The following SMCHD1 variants were observed in gnomAD, a reference collection of about 807,000 sequenced individuals.
SMCHD1 encodes structural maintenance of chromosomes flexible hinge domain-containing protein 1.
SMCHD1 carries 78 observed loss-of-function variants against 254.7 expected under a neutral mutation model. The ratio of observed to expected loss-of-function variants is 0.31; its 90% confidence interval spans 0.26 to 0.37. SMCHD1 has a LOEUF of 0.37. SMCHD1 is among the 10% of genes least tolerant of loss of function. The pLI, the probability that SMCHD1 is intolerant of heterozygous loss-of-function variation, is 1.00. For missense variants in SMCHD1, 1,840 were observed against 2,408.1 expected, an observed-to-expected ratio of 0.76 and a Z score of 4.94; for synonymous variants, 766 against 794.9, an observed-to-expected ratio of 0.96 and a Z score of 0.61.
In SMCHD1 at chr18:2,707,806, G is replaced by T; in HGVS notation, c.2147-1G>T. The T allele has an allele frequency of 6.3e-7, 1 of 1,597,770 alleles. No individual in the cohort carries two copies. Among genetic ancestry groups the T allele is most frequent in the Admixed American group, 1.8e-5 (1 of 56,506 alleles). On this transcript the variant is annotated splice_acceptor_variant, in intron 16 of 47. Transcript: ENST00000320876. LOFTEE classifies it high-confidence loss of function. ...AGATACTTTTAATTTTTGACTCATAGGTGCGTTAAGAATTGAAATACTGAA... is the reference window on the plus strand; with the variant it reads ...AGATACTTTTAATTTTTGACTCATATGTGCGTTAAGAATTGAAATACTGAA...
chr18:2,656,279 G>A lies in SMCHD1; in HGVS notation c.186+18G>A, dbSNP rs760697604. On this transcript the variant is annotated intron_variant, in intron 1 of 47. Coordinates refer to ENST00000320876, the MANE Select transcript of SMCHD1 (RefSeq NM_015295.3). Reference sequence around the variant, plus strand: ...TGTGTCAGGTACGCGAAGGGGCGAGGAAGGGATGCGCGTGTAGACTTGGGG... The same window carrying A: ...TGTGTCAGGTACGCGAAGGGGCGAGAAAGGGATGCGCGTGTAGACTTGGGG... 1 of 1,471,924 alleles carries A rather than the reference G, an allele frequency of 6.8e-7. No homozygotes were observed. Among genetic ancestry groups the A allele is most frequent in the South Asian group, 1.4e-5 (1 of 71,280 alleles). 91.2% of individuals were successfully genotyped at this position (1,471,924 alleles called of 1,614,324 possible). A position where few individuals can be genotyped will look rare whatever the true frequency, so the allele number is the denominator to read the frequency against.
intron 13 of SMCHD1, 43 bp from the exon 14 acceptor site, chr18:2,705,651 C>A: frequency 3.0e-6 from 3 of 998,066 alleles, no homozygotes; most frequent in Non-Finnish European, 4.4e-6. Context: ...CTTCGTAAAT[C>A]TTAATACTGA....
intron 30 of SMCHD1, among the ~76,000 whole-genome samples, chr18:2,748,386 A>G (rs75600230): frequency 0.24 from 12,670 of 53,318 alleles, 1,844 homozygotes; most frequent in South Asian, 0.3. Context: ...GTGTGTGTAT[A>G]TAAATTTTTT....
intron 7 of SMCHD1, among the ~76,000 whole-genome samples, chr18:2,691,348 A>G (rs898468430): frequency 4.6e-5 from 7 of 152,182 alleles, no homozygotes; most frequent in Non-Finnish European, 1.0e-4. Context: ...CTTCCCAACA[A>G]ACATTTCTTG....
At chr18:2,760,766 A>C in intron 35 of SMCHD1, 27 bp downstream of exon 35, 1 of 1,330,824 alleles carries the variant, frequency 7.5e-7, no homozygotes, top group Non-Finnish European at 1.1e-6. Context: ...TATATACCAC[A>C]GTTAGCTTTA....
At chr18:2,701,754 G>T (rs73939111) in intron 12 of SMCHD1, among the ~76,000 whole-genome samples, 4,573 of 152,072 alleles carry the variant, frequency 0.03, 235 homozygotes, top group African/African-American at 0.1. Flanking sequence ...TAGTGTACTT[G>T]TATTCTGTGA....
chr18:2,680,879 TGG>T (rs886728810), intron 5 of SMCHD1, among the ~76,000 whole-genome samples: 1 of 152,206 alleles, frequency 6.6e-6, no homozygotes, highest in African/African-American at 2.4e-5. Flanking sequence ...AGTGGATTCT[TGG>T]AAGTCCTTAT....
intron 40 of SMCHD1, among the ~76,000 whole-genome samples, chr18:2,771,979 G>A (rs1439459625): frequency 6.6e-6 from 1 of 152,118 alleles, no homozygotes; most frequent in Non-Finnish European, 1.5e-5. Flanking sequence ...TCAGTTTCAA[G>A]AGAAGTCCTA....
intron 47 of SMCHD1, among the ~76,000 whole-genome samples, chr18:2,797,522 A>G (rs965646764): frequency 6.6e-6 from 1 of 152,212 alleles, no homozygotes; most frequent in Non-Finnish European, 1.5e-5. Context: ...AAGATTTGAA[A>G]TCTCACTCTG....
At chr18:2,693,584 G>A (rs1024795543) in intron 7 of SMCHD1, among the ~76,000 whole-genome samples, 3 of 152,222 alleles carry the variant, frequency 2.0e-5, no homozygotes, top group Admixed American at 2.0e-4. Context: ...GACTGTATAT[G>A]AATACACACA....
chr18:2,757,738 T>C (rs1173509072), intron 34 of SMCHD1, among the ~76,000 whole-genome samples: 1 of 152,062 alleles, frequency 6.6e-6, no homozygotes, highest in Non-Finnish European at 1.5e-5. Context: ...TTCTATATCT[T>C]TTATATTTTT....
chr18:2,693,230 T>A (rs1421643645), intron 7 of SMCHD1, among the ~76,000 whole-genome samples: 1 of 152,238 alleles, frequency 6.6e-6, no homozygotes, highest in Non-Finnish European at 1.5e-5. Context: ...TTCCACAGTT[T>A]TATAATGTAT....
chr18:2,742,580 AT>A (rs1479819050), intron 28 of SMCHD1, among the ~76,000 whole-genome samples: 2 of 152,210 alleles, frequency 1.3e-5, no homozygotes, highest in Admixed American at 1.3e-4. Flanking sequence ...GGAGAGATTA[AT>A]TTTGATTATT....
At chr18:2,749,415 T>G (rs1423496636) in intron 30 of SMCHD1, among the ~76,000 whole-genome samples, 1 of 152,192 alleles carries the variant, frequency 6.6e-6, no homozygotes, top group Non-Finnish European at 1.5e-5. Flanking sequence ...TAGACAATGA[T>G]TACTTTCAAC....
Position 2,718,487 on chromosome 18 carries a change from C to A in SMCHD1, c.2458+53C>A. ...ATATGCTAAAGGTGGCATTTTAAAT[C>A]CAAAGAGAAAAGAGAGATAAGCCAT... is the stretch of plus-strand genomic sequence containing the variant. On this transcript the variant is annotated intron_variant, in intron 19 of 47. Coordinates refer to ENST00000320876, the MANE Select transcript of SMCHD1 (RefSeq NM_015295.3). The surrounding 1 kb of genome is among the most constrained non-coding windows in gnomAD (Gnocchi z 4.6). The A allele has an allele frequency of 6.9e-7, 1 of 1,447,600 alleles. No individual in the cohort carries two copies. The highest frequency in any genetic ancestry group is 9.4e-7 in the Non-Finnish European group (1 of 1,065,556). The allele number at this position is 1,447,600 out of a possible 1,614,324, so 89.7% of individuals were successfully genotyped here.
At chr18:2,682,448 A>G (rs534309200) in intron 5 of SMCHD1, among the ~76,000 whole-genome samples, 195 of 151,804 alleles carry the variant, frequency 1.3e-3, no homozygotes, top group Non-Finnish European at 2.2e-3. Context: ...TCAGCCACCC[A>G]AGTAGCTGGG....
chr18:2,675,468 T>C (rs942917742), intron 5 of SMCHD1, among the ~76,000 whole-genome samples: 5 of 152,114 alleles, frequency 3.3e-5, no homozygotes, highest in Admixed American at 1.3e-4. Flanking sequence ...TTTCACCATG[T>C]TGGCCAGTCT....
intron 24 of SMCHD1, 112 bp downstream of exon 24, chr18:2,729,521 G>T: frequency 2.7e-6 from 2 of 745,952 alleles, no homozygotes; most frequent in Non-Finnish European, 2.0e-6. Flanking sequence ...TGAGGTATTT[G>T]TGGTTCTTTC....
At position 2,750,939 on chromosome 18, in the gene SMCHD1, C is replaced by T. The variant is rs1297189744; in HGVS notation, c.4166-339C>T. Among the ~76,000 whole-genome samples the T allele has an allele frequency of 2.0e-5, 3 of 151,954 alleles. No individual in the cohort carries two copies. In the East Asian group the frequency reaches 5.8e-4, roughly 29 times the overall value. On this transcript the variant is annotated intron_variant, in intron 32 of 47. Coordinates refer to ENST00000320876, the MANE Select transcript of SMCHD1 (RefSeq NM_015295.3). ...AGTAACAGGTGCCAAATGAATGTTA[C>T]AGGTGGTAAATATAATGGGAATATT...
Sources: gnomAD v4.1 joint callset for allele counts (sites outside exome capture counted in the v4.1 genomes callset) on GRCh38, gnomAD v4.1.1 for gene constraint, Gnocchi (gnomAD v3.1) non-coding constraint, MANE v1.5 for transcripts, NCBI Gene and HGNC (gene_info 2026-07-23, HGNC 2026-07-21) for gene names.